ATF6: variants seen among roughly 807,000 people sequenced by gnomAD.
ATF6 encodes cyclic AMP-dependent transcription factor ATF-6 alpha.
ATF6 carries 53 observed loss-of-function variants against 83.6 expected under a neutral mutation model. That is an observed-to-expected ratio of 0.63 (90% confidence interval 0.51 to 0.80). The LOEUF is 0.80. Among genes scored for constraint, ATF6 ranks in the 30% least tolerant of loss-of-function variants. The pLI is 0.00. For missense variants in ATF6, 744 were observed against 797.9 expected (o/e 0.93, Z 0.81); for synonymous variants, 288 against 285.8 (o/e 1.01, Z -0.08).
chr1:161,958,919 GA>G lies in ATF6; in HGVS notation c.*266del, dbSNP rs1689024368. 1 of 310,254 alleles carries G rather than the reference GA, an allele frequency of 3.2e-6. No homozygotes were observed. Among genetic ancestry groups the G allele is most frequent in the Non-Finnish European group, 5.9e-6 (1 of 168,446 alleles). 19.2% of individuals were successfully genotyped at this position (310,254 alleles called of 1,614,324 possible). A position where few individuals can be genotyped will look rare whatever the true frequency, so the allele number is the denominator to read the frequency against. On this transcript the variant is annotated 3_prime_UTR_variant, in exon 16 of 16. Coordinates refer to ENST00000367942, the MANE Select transcript of ATF6 (RefSeq NM_007348.4). ...GCATCCTCCAGTGTTACCTGGTGTA[GA>G]TTTTTTTTTCTGTACCTTTCTAAAC...
intron 2 of ATF6, among the ~76,000 whole-genome samples, chr1:161,778,613 G>C (rs1249565346): frequency 1.3e-5 from 2 of 152,118 alleles, no homozygotes; most frequent in Non-Finnish European, 2.9e-5. Flanking sequence ...CTACATAAGG[G>C]AATTGGCAGG....
chr1:161,912,870 C>G (rs1047640331), intron 15 of ATF6, among the ~76,000 whole-genome samples: 2 of 151,652 alleles, frequency 1.3e-5, no homozygotes, highest in Admixed American at 6.6e-5. Flanking sequence ...TAGCCCTGGA[C>G]ATTAAACAAA....
At chr1:161,874,917 C>T (rs1014106261) in intron 14 of ATF6, among the ~76,000 whole-genome samples, 1 of 151,586 alleles carries the variant, frequency 6.6e-6, no homozygotes, top group East Asian at 1.9e-4. Context: ...TATATTTGAC[C>T]CTAACCTTTC....
intron 9 of ATF6, among the ~76,000 whole-genome samples, chr1:161,845,757 C>CA (rs1434542836): frequency 1.6e-5 from 2 of 128,860 alleles, no homozygotes; most frequent in East Asian, 2.2e-4. Context: ...GCCTGGGTGA[C>CA]AGAGTGAGAC....
chr1:161,846,699 CAT>C, intron 10 of ATF6, 119 bp downstream of exon 10: 1 of 980,776 alleles, frequency 1.0e-6, no homozygotes, highest in African/African-American at 1.7e-5. Context: ...TAGTAGAACA[CAT>C]AAATTACTGA....
chr1:161,850,821 C>G (rs1467170861), intron 10 of ATF6, among the ~76,000 whole-genome samples: 2 of 152,110 alleles, frequency 1.3e-5, no homozygotes, highest in Non-Finnish European at 2.9e-5. Flanking sequence ...AAGAGAGATG[C>G]AAGCTTTGTT....
chr1:161,832,238 G>T (rs1171950462), intron 9 of ATF6, among the ~76,000 whole-genome samples: 1 of 152,092 alleles, frequency 6.6e-6, no homozygotes, highest in Non-Finnish European at 1.5e-5. Context: ...AAAAATTTAA[G>T]TTAAAATTAT....
At chr1:161,922,082 A>G (rs1050142484) in intron 15 of ATF6, among the ~76,000 whole-genome samples, 21 of 152,300 alleles carry the variant, frequency 1.4e-4, no homozygotes, top group African/African-American at 5.1e-4. Flanking sequence ...ATATTGTTGC[A>G]TTAGTATTTT....
At chr1:161,864,311 A>G (rs1686946299) in intron 14 of ATF6, among the ~76,000 whole-genome samples, 1 of 152,160 alleles carries the variant, frequency 6.6e-6, no homozygotes, top group African/African-American at 2.4e-5. Flanking sequence ...ACTTATATGC[A>G]GGGCCAACTT....
chr1:161,888,863 G>A (rs922655497), intron 14 of ATF6, among the ~76,000 whole-genome samples: 3 of 151,990 alleles, frequency 2.0e-5, no homozygotes, highest in Non-Finnish European at 4.4e-5. Flanking sequence ...CAGCTTCCAC[G>A]AGCTGGTCCA....
At chr1:161,897,429 CCT>C (rs1286079002) in intron 14 of ATF6, among the ~76,000 whole-genome samples, 5 of 151,922 alleles carry the variant, frequency 3.3e-5, no homozygotes, top group Admixed American at 3.3e-4. Context: ...AGAGCGAGAC[CCT>C]GTCTCAAAAA....
intron 7 of ATF6, among the ~76,000 whole-genome samples, chr1:161,812,289 TTGTGTGTG>T (rs10607216): frequency 2.1e-5 from 3 of 145,288 alleles, no homozygotes; most frequent in African/African-American, 5.1e-5. Context: ...ATTTCATGCT[TTGTGTGTG>T]TGTGTGTGTG....
intron 15 of ATF6, among the ~76,000 whole-genome samples, chr1:161,925,533 TTATG>T (rs1688295387): frequency 6.6e-6 from 1 of 152,162 alleles, no homozygotes; most frequent in Non-Finnish European, 1.5e-5. Flanking sequence ...CTTCCCAACT[TTATG>T]TACCCAGAAT....
At chr1:161,941,540 G>T (rs1476921874) in intron 15 of ATF6, among the ~76,000 whole-genome samples, 1 of 152,164 alleles carries the variant, frequency 6.6e-6, no homozygotes, top group Non-Finnish European at 1.5e-5. Flanking sequence ...GCCTGTATTT[G>T]CTGTCATAAA....
At chr1:161,784,206 C>T (rs1684697810) in intron 4 of ATF6, 110 bp downstream of exon 4, 1 of 757,336 alleles carries the variant, frequency 1.3e-6, no homozygotes, top group Admixed American at 2.6e-5. Flanking sequence ...GTTATATTGT[C>T]TCATTTATTG....
intron 4 of ATF6, among the ~76,000 whole-genome samples, chr1:161,787,209 A>C (rs558233442): frequency 3.3e-5 from 5 of 152,194 alleles, no homozygotes; most frequent in African/African-American, 1.2e-4. Flanking sequence ...TCTCTATGCC[A>C]TACATATTTT....
chr1:161,809,797 A>G lies in ATF6; in HGVS notation c.909+7525A>G, dbSNP rs1298372845. 3.3e-5 allele frequency among the ~76,000 whole-genome samples: 5 copies of G among 152,258 alleles called. No individual in the cohort carries two copies. In the South Asian group the frequency reaches 8.3e-4, roughly 25 times the overall value. ...TGCATTTCTCTGATGGCCAGTGATG[A>G]TGAGCATTTTTTCATGTGTCTGTTG... On this transcript the variant is annotated intron_variant, in intron 7 of 15. Coordinates refer to ENST00000367942, the MANE Select transcript of ATF6 (RefSeq NM_007348.4).
chr1:161,797,490 T>C (rs966801573), intron 6 of ATF6, among the ~76,000 whole-genome samples: 33 of 152,114 alleles, frequency 2.2e-4, no homozygotes, highest in African/African-American at 7.7e-4. Flanking sequence ...ACAAAATCAA[T>C]GTACAAAAGT....
At position 161,766,373 on chromosome 1, in the gene ATF6, G is replaced by A. The variant is rs746651824; in HGVS notation, c.13G>A (p.Ala5Thr). Residue 5 changes from alanine (A) to threonine (T), a missense_variant, in exon 1 of 16, where the codon GCT (alanine) becomes ACT (threonine). Ala to Thr is a moderately conservative substitution (Grantham distance 58). Coordinates refer to ENST00000367942, the MANE Select transcript of ATF6 (RefSeq NM_007348.4). ...AGGAACTTGTGAAATGGGGGAGCCG[G>A]CTGGGGTTGCCGGCACCATGGAGTC... MGEPAGVAGTMESPF... is the reference protein window; with the variant it reads MGEPTGVAGTMESPF... The A allele has an allele frequency of 3.0e-5, 48 of 1,612,704 alleles. No homozygotes were observed. In the Admixed American group the frequency reaches 7.9e-4, roughly 26 times the overall value.
Sources: gnomAD v4.1 joint callset for allele counts (sites outside exome capture counted in the v4.1 genomes callset) on GRCh38, gnomAD v4.1.1 for gene constraint, MANE v1.5 for transcripts, NCBI Gene and HGNC (gene_info 2026-07-23, HGNC 2026-07-21) for gene names.